SPOCK1: variants seen among roughly 807,000 people sequenced by gnomAD.
SPOCK1 encodes the protein SPARC (osteonectin), cwcv and kazal like domains proteoglycan 1, also known as testican-1.
SPOCK1 carries 23 observed loss-of-function variants against 55.3 expected under a neutral mutation model. The observed-to-expected ratio is 0.42, with a 90% CI of 0.30 to 0.59. The LOEUF (loss-of-function observed/expected upper bound fraction) is 0.59, where lower values mean the gene tolerates loss of function less well. Ranked by LOEUF, SPOCK1 falls within the 20% of genes least tolerant of loss-of-function variation. The pLI is 0.22. For synonymous variants in SPOCK1, 226 were observed against 221.0 expected, an observed-to-expected ratio of 1.02 and a Z score of -0.20; for missense variants, 499 against 552.5, an observed-to-expected ratio of 0.90 and a Z score of 0.97.
chr5:136,985,260 ATTGACTTCACTC>A, intron 8 of SPOCK1, 58 bp from the exon 9 acceptor site: 1 of 1,466,512 alleles, frequency 6.8e-7, no homozygotes, highest in South Asian at 1.1e-5. Flanking sequence ...ATCGCTAATG[ATTGACTTCACTC>A]TTGATGTGAA....
rs528861856 is a variant in SPOCK1, at chr5:137,361,697, A to G, written c.187-94642T>C. On this transcript the variant is annotated intron_variant, in intron 2 of 10. Coordinates refer to ENST00000394945, the MANE Select transcript of SPOCK1 (RefSeq NM_004598.4). Reference sequence around the variant, plus strand: ...TGGATGACTTGTTGCCGTTGTCTTCATTTCCCATGTTTCCACAAATTGCGT... The same window carrying G: ...TGGATGACTTGTTGCCGTTGTCTTCGTTTCCCATGTTTCCACAAATTGCGT... 3.3e-5 allele frequency among the ~76,000 whole-genome samples: 5 copies of G among 152,332 alleles called. No individual in the cohort carries two copies. In the South Asian group the frequency reaches 8.3e-4, roughly 25 times the overall value.
chr5:137,364,299 T>C lies in SPOCK1; in HGVS notation c.187-97244A>G, dbSNP rs536212169. On this transcript the variant is annotated intron_variant, in intron 2 of 10. Transcript: ENST00000394945. ...TCAACCTCAAAGCTAGAGGCAATGA[T>C]GTTGGGGAGCGGGGTGACGTTTTTT... 3.9e-5 allele frequency among the ~76,000 whole-genome samples: 6 copies of C among 152,268 alleles called. No homozygotes were observed. The East Asian group carries it at 9.6e-4, about 24-fold the overall frequency.
intron 2 of SPOCK1, among the ~76,000 whole-genome samples, chr5:137,290,034 A>G (rs984243073): frequency 6.6e-6 from 1 of 152,268 alleles, no homozygotes; most frequent in South Asian, 2.1e-4. Context: ...GCTTCAGAAA[A>G]CTGTTTGGCA....
At chr5:137,218,646 G>A (rs1755764516) in intron 3 of SPOCK1, among the ~76,000 whole-genome samples, 1 of 152,198 alleles carries the variant, frequency 6.6e-6, no homozygotes, top group Admixed American at 6.5e-5. Flanking sequence ...CAAGTTGTAT[G>A]ACTCAGCTAC....
chr5:137,340,554 G>C (rs1162686362), intron 2 of SPOCK1, among the ~76,000 whole-genome samples: 2 of 152,200 alleles, frequency 1.3e-5, no homozygotes, highest in Non-Finnish European at 2.9e-5. Context: ...GAGGAAGTCA[G>C]GGATGCAGTA....
intron 6 of SPOCK1, among the ~76,000 whole-genome samples, chr5:137,040,741 T>C (rs1367472610): frequency 2.0e-5 from 3 of 152,244 alleles, no homozygotes; most frequent in Non-Finnish European, 1.5e-5. Flanking sequence ...CATCTCTCTG[T>C]ATTAATCATC....
At chr5:137,175,284 G>A (rs777308026) in intron 3 of SPOCK1, among the ~76,000 whole-genome samples, 3 of 152,164 alleles carry the variant, frequency 2.0e-5, no homozygotes, top group Non-Finnish European at 4.4e-5. Flanking sequence ...AAGGACCAGA[G>A]GCCACCATTG....
intron 2 of SPOCK1, among the ~76,000 whole-genome samples, chr5:137,283,768 T>C (rs917119404): frequency 6.7e-6 from 1 of 149,708 alleles, no homozygotes; most frequent in African/African-American, 2.4e-5. Context: ...TAAAAGGGAA[T>C]GAAAATATTC....
chr5:137,259,985 T>C (rs1756715923), intron 3 of SPOCK1, among the ~76,000 whole-genome samples: 1 of 152,260 alleles, frequency 6.6e-6, no homozygotes. Context: ...AATAAGAGCA[T>C]CATGCTTCAA....
At chr5:136,990,758 CATAAGGCA>C (rs1750935001) in intron 7 of SPOCK1, among the ~76,000 whole-genome samples, 2 of 152,092 alleles carry the variant, frequency 1.3e-5, no homozygotes, top group South Asian at 4.2e-4. Flanking sequence ...TATTTTAATG[CATAAGGCA>C]AGAGGAGTTT....
At chr5:137,262,715 C>G (rs1472087144) in intron 3 of SPOCK1, among the ~76,000 whole-genome samples, 1 of 152,208 alleles carries the variant, frequency 6.6e-6, no homozygotes, top group Non-Finnish European at 1.5e-5. Context: ...GATGCCCCAA[C>G]ACTAGTTAAG....
intron 2 of SPOCK1, among the ~76,000 whole-genome samples, chr5:137,444,178 C>T (rs1487827151): frequency 6.6e-6 from 1 of 152,156 alleles, no homozygotes; most frequent in Admixed American, 6.5e-5. Flanking sequence ...CCCTGCATCC[C>T]CTGTGTCATG....
intron 2 of SPOCK1, among the ~76,000 whole-genome samples, chr5:137,301,636 C>CTTT (rs34828127): frequency 0.013 from 1,647 of 129,756 alleles, 96 homozygotes; most frequent in African/African-American, 0.041. Flanking sequence ...ATTTCGTCTC[C>CTTT]TTTTTTTTTT....
intron 2 of SPOCK1, among the ~76,000 whole-genome samples, chr5:137,401,777 G>A (rs907346166): frequency 4.0e-5 from 6 of 151,812 alleles, no homozygotes; most frequent in African/African-American, 1.2e-4. Context: ...GGGTCAAAGA[G>A]GTTATATAAT....
chr5:137,490,822 G>A (rs1286462196), intron 2 of SPOCK1, among the ~76,000 whole-genome samples: 1 of 152,094 alleles, frequency 6.6e-6, no homozygotes, highest in Non-Finnish European at 1.5e-5. Flanking sequence ...AGCTACAACT[G>A]GAAAATAACA....
intron 2 of SPOCK1, among the ~76,000 whole-genome samples, chr5:137,390,507 C>T (rs1751695878): frequency 6.6e-6 from 1 of 152,066 alleles, no homozygotes; most frequent in Non-Finnish European, 1.5e-5. Flanking sequence ...CTGCTTTGCC[C>T]GTTCTATTTC....
intron 3 of SPOCK1, among the ~76,000 whole-genome samples, chr5:137,151,098 C>T (rs1320720553): frequency 6.6e-6 from 1 of 152,158 alleles, no homozygotes; most frequent in African/African-American, 2.4e-5. Flanking sequence ...AATCTCCCTG[C>T]AGCATCTATT....
At chr5:137,238,324 T>A (rs1756220447) in intron 3 of SPOCK1, among the ~76,000 whole-genome samples, 1 of 152,234 alleles carries the variant, frequency 6.6e-6, no homozygotes, top group African/African-American at 2.4e-5. Context: ...TGCACTCACA[T>A]ACACACTGCA....
At chr5:137,494,077 C>A (rs1453524523) in intron 2 of SPOCK1, among the ~76,000 whole-genome samples, 1 of 152,202 alleles carries the variant, frequency 6.6e-6, no homozygotes, top group Admixed American at 6.5e-5. Context: ...TCTGATTCTT[C>A]AGGCCCGCTA....
Sources: allele counts gnomAD v4.1 joint callset (sites outside exome capture counted in the v4.1 genomes callset), GRCh38; gene constraint gnomAD v4.1.1; transcripts MANE v1.5; gene names NCBI Gene and HGNC (gene_info 2026-07-23, HGNC 2026-07-21).